PALM2AKAP2: variants seen among roughly 807,000 people sequenced by gnomAD.
PALM2AKAP2 encodes the protein PALM2-AKAP2 fusion protein.
In PALM2AKAP2, 37 loss-of-function variants were observed where a neutral mutation model predicts 71.5. The ratio of observed to expected loss-of-function variants is 0.52; its 90% confidence interval spans 0.40 to 0.68. The LOEUF is 0.68. Ranked by LOEUF, PALM2AKAP2 falls within the 30% of genes least tolerant of loss-of-function variation. PALM2AKAP2 has a pLI of 0.00. For synonymous variants in PALM2AKAP2, 468 were observed against 478.8 expected, an observed-to-expected ratio of 0.98 and a Z score of 0.29; for missense variants, 1,224 against 1,191.8, an observed-to-expected ratio of 1.03 and a Z score of -0.40.
At chr9:110,042,508 G>A (rs79903709) in intron 7 of PALM2AKAP2, among the ~76,000 whole-genome samples, 2,339 of 152,308 alleles carry the variant, frequency 0.015, 51 homozygotes, top group African/African-American at 0.054. Context: ...AGTGAGAAAT[G>A]TCTTACTTTG....
intron 1 of PALM2AKAP2, among the ~76,000 whole-genome samples, chr9:110,135,402 A>G (rs1835840871): frequency 6.7e-6 from 1 of 149,296 alleles, no homozygotes; most frequent in Non-Finnish European, 1.5e-5. Flanking sequence ...CATTAAGAAG[A>G]TAGGGTTTTC....
exon 2 of PALM2AKAP2, chr9:110,137,065 A>T (rs770217821): frequency 6.2e-7 from 1 of 1,613,970 alleles, no homozygotes; most frequent in Admixed American, 1.7e-5. Context: ...CACAGCAGGA[A>T]CAGTTGCTGC....
intron 5 of PALM2AKAP2, among the ~76,000 whole-genome samples, chr9:109,931,178 G>T (rs1831092885): frequency 6.6e-6 from 1 of 152,082 alleles, no homozygotes; most frequent in Admixed American, 6.6e-5. Flanking sequence ...TGATACCTTG[G>T]CATGCTTGCT....
At chr9:109,788,049 T>C (rs75139947) in intron 1 of PALM2AKAP2, among the ~76,000 whole-genome samples, 2,364 of 152,282 alleles carry the variant, frequency 0.016, 66 homozygotes, top group African/African-American at 0.054. Context: ...ATTTGCGATA[T>C]CTTTTGACAT....
intron 6 of PALM2AKAP2, among the ~76,000 whole-genome samples, chr9:110,015,443 T>C (rs1282798799): frequency 2.0e-5 from 3 of 151,986 alleles, no homozygotes; most frequent in Non-Finnish European, 4.4e-5. Context: ...CTACTAAAAA[T>C]ACAAAAATTA....
intron 1 of PALM2AKAP2, among the ~76,000 whole-genome samples, chr9:109,808,836 G>A (rs1827649024): frequency 6.6e-6 from 1 of 152,232 alleles, no homozygotes; most frequent in South Asian, 2.1e-4. Context: ...GTGCAGTCTT[G>A]AGACTTGGTG....
At chr9:110,133,463 G>GAATA (rs1835778828) in intron 1 of PALM2AKAP2, among the ~76,000 whole-genome samples, 1 of 152,062 alleles carries the variant, frequency 6.6e-6, no homozygotes, top group South Asian at 2.1e-4. Context: ...TGACCCTGCA[G>GAATA]AATAACCTCC....
chr9:109,651,705 T>C (rs771126552), intron 1 of PALM2AKAP2, among the ~76,000 whole-genome samples: 1 of 152,170 alleles, frequency 6.6e-6, no homozygotes, highest in African/African-American at 2.4e-5. Flanking sequence ...CACTCAAATA[T>C]TTAAGAAGGA....
intron 1 of PALM2AKAP2, among the ~76,000 whole-genome samples, chr9:110,123,227 T>C (rs1053571584): frequency 6.6e-6 from 1 of 152,124 alleles, no homozygotes; most frequent in Non-Finnish European, 1.5e-5. Context: ...GTATCACACA[T>C]TGGTGGGGGG....
intron 1 of PALM2AKAP2, among the ~76,000 whole-genome samples, chr9:109,662,756 T>C (rs1225331396): frequency 6.6e-6 from 1 of 152,162 alleles, no homozygotes; most frequent in Non-Finnish European, 1.5e-5. Flanking sequence ...CCAGCTCCTC[T>C]TTGTATCTCT....
At chr9:109,828,433 G>A (rs1478454610) in intron 1 of PALM2AKAP2, among the ~76,000 whole-genome samples, 2 of 152,162 alleles carry the variant, frequency 1.3e-5, no homozygotes, top group African/African-American at 4.8e-5. Flanking sequence ...CTTTGAATCA[G>A]CACAATATTG....
intron 2 of PALM2AKAP2, among the ~76,000 whole-genome samples, chr9:109,875,008 C>T (rs1829688750): frequency 6.6e-6 from 1 of 152,190 alleles, no homozygotes; most frequent in Non-Finnish European, 1.5e-5. Context: ...TGTGTTCTTC[C>T]TATTGGGCTT....
intron 6 of PALM2AKAP2, among the ~76,000 whole-genome samples, chr9:109,938,965 G>T (rs983034672): frequency 6.6e-6 from 1 of 152,076 alleles, no homozygotes; most frequent in African/African-American, 2.4e-5. Flanking sequence ...GGAGGCAGAG[G>T]TTGCAGTGAG....
intron 6 of PALM2AKAP2, among the ~76,000 whole-genome samples, chr9:109,992,337 T>C (rs1832500016): frequency 6.6e-6 from 1 of 152,224 alleles, no homozygotes; most frequent in African/African-American, 2.4e-5. Context: ...TTAACTTGGC[T>C]ACATCTGCAA....
intron 6 of PALM2AKAP2, among the ~76,000 whole-genome samples, chr9:110,001,456 C>T (rs1358097623): frequency 6.6e-6 from 1 of 152,190 alleles, no homozygotes; most frequent in Non-Finnish European, 1.5e-5. Context: ...GTGACGCCTC[C>T]AGCTTTGTTC....
At chr9:109,756,416 G>A (rs1828964754) in intron 1 of PALM2AKAP2, among the ~76,000 whole-genome samples, 1 of 152,098 alleles carries the variant, frequency 6.6e-6, no homozygotes, top group Non-Finnish European at 1.5e-5. Flanking sequence ...CTGTTGATCT[G>A]TTACATACAG....
chr9:110,152,472 T>C (rs1332287591), intron 2 of PALM2AKAP2, among the ~76,000 whole-genome samples: 1 of 152,110 alleles, frequency 6.6e-6, no homozygotes, highest in African/African-American at 2.4e-5. Context: ...GCACCAAAGA[T>C]AACCATCATG....
intron 6 of PALM2AKAP2, chr9:109,944,637 T>C (rs1327480163): frequency 6.6e-6 from 1 of 152,212 alleles, no homozygotes; most frequent in Non-Finnish European, 1.5e-5. Flanking sequence ...CTTAATTTCA[T>C]AACAAATATT....
exon 4 of PALM2AKAP2, chr9:110,169,729 T>C (rs1261141389): frequency 6.6e-6 from 1 of 152,432 alleles, no homozygotes; most frequent in Non-Finnish European, 1.5e-5. Flanking sequence ...CAGCTACAAA[T>C]CCTAAAGATG....
Sources: gnomAD v4.1 joint callset for allele counts (sites outside exome capture counted in the v4.1 genomes callset) on GRCh38, gnomAD v4.1.1 for gene constraint, MANE v1.5 for transcripts, NCBI Gene and HGNC (gene_info 2026-07-23, HGNC 2026-07-21) for gene names.